Variants in KANK1 observed in about 807,000 individuals in gnomAD.
The protein encoded by KANK1 is KN motif and ankyrin repeat domains 1, also known as KN motif and ankyrin repeat domain-containing protein 1.
A neutral mutation model predicts 106.2 loss-of-function variants in KANK1; 109 were observed. That is an observed-to-expected ratio of 1.03 (90% CI 0.88 to 1.20). KANK1 has a LOEUF of 1.20. Among genes scored for constraint, KANK1 ranks in the 50% most tolerant of loss-of-function variants. The pLI is 0.00. For missense variants in KANK1, 2,399 were observed against 1,710.7 expected (o/e 1.40, Z -7.10); for synonymous variants, 873 against 652.2 (o/e 1.34, Z -5.16).
chr9:548,011 A>C (rs2061038021), intron 1 of KANK1, among the ~76,000 whole-genome samples: 1 of 152,094 alleles, frequency 6.6e-6, no homozygotes, highest in African/African-American at 2.4e-5. Context: ...AGTTGTCTAT[A>C]CCATGAAATC....
In KANK1 at chr9:711,656, A is replaced by G. The variant is rs1164125297; in HGVS notation, c.890A>G (p.Glu297Gly). 1 of 1,614,196 alleles carries G rather than the reference A, an allele frequency of 6.2e-7. No homozygotes were observed. The change falls in exon 3 of 12, where the codon GAG becomes GGG. Residue 297 changes from glutamate to glycine, a missense_variant. Physicochemically the swap from Glu to Gly is moderately conservative, Grantham distance 98. Transcript: ENST00000382297. ...LQVKISVLQE[E>G]KRQLVSQLKN... is the part of the protein sequence containing the mutation. ...GTAAAGATCTCTGTCTTGCAAGAAG[A>G]GAAAAGGCAGTTGGTCTCACAGCTG... is the stretch of plus-strand genomic sequence containing the variant.
intron 2 of KANK1, among the ~76,000 whole-genome samples, chr9:691,408 A>G (rs918775406): frequency 2.3e-4 from 35 of 149,158 alleles, no homozygotes; most frequent in African/African-American, 4.2e-4. Flanking sequence ...GTGTGTGTAT[A>G]TATATATATA....
intron 1 of KANK1, among the ~76,000 whole-genome samples, chr9:667,601 A>G (rs1448437751): frequency 6.6e-6 from 1 of 151,978 alleles, no homozygotes; most frequent in African/African-American, 2.4e-5. Flanking sequence ...ACTGTATCCC[A>G]TAGATTTGGA....
At chr9:555,985 A>G (rs1396401048) in intron 1 of KANK1, among the ~76,000 whole-genome samples, 1 of 152,192 alleles carries the variant, frequency 6.6e-6, no homozygotes, top group African/African-American at 2.4e-5. Context: ...ACATTTTCAG[A>G]GTTATACTTA....
chr9:506,059 A>C (rs1199681172), intron 1 of KANK1, among the ~76,000 whole-genome samples: 1 of 152,184 alleles, frequency 6.6e-6, no homozygotes, highest in African/African-American at 2.4e-5. Context: ...TAAGGTCAAA[A>C]TTCAGTGGTT....
At chr9:600,586 G>A (rs1827490877) in intron 1 of KANK1, among the ~76,000 whole-genome samples, 3 of 151,892 alleles carry the variant, frequency 2.0e-5, no homozygotes, top group African/African-American at 2.4e-5. Context: ...AATGCATTGT[G>A]GATCCAACTT....
chr9:639,121 G>T (rs1330439713), intron 1 of KANK1, among the ~76,000 whole-genome samples: 1 of 152,048 alleles, frequency 6.6e-6, no homozygotes, highest in African/African-American at 2.4e-5. Context: ...TCTGATTGCT[G>T]AACACTTTGT....
At chr9:650,791 G>A (rs918254431) in intron 1 of KANK1, among the ~76,000 whole-genome samples, 6 of 152,170 alleles carry the variant, frequency 3.9e-5, no homozygotes, top group African/African-American at 7.2e-5. Flanking sequence ...CTAATGAAAT[G>A]AATAAAGAAA....
intron 1 of KANK1, among the ~76,000 whole-genome samples, chr9:671,783 A>C (rs1220825221): frequency 6.6e-6 from 1 of 151,792 alleles, no homozygotes; most frequent in African/African-American, 2.4e-5. Context: ...CCCCATCTCT[A>C]CTAAAAATGC....
At chr9:503,348 C>T (rs1011415860), upstream of KANK1, among the ~76,000 whole-genome samples, 9 of 152,110 alleles carry the variant, frequency 5.9e-5, no homozygotes, top group East Asian at 1.7e-3. Flanking sequence ...TGCTTACTGC[C>T]ACCCAGTGAG....
intron 1 of KANK1, among the ~76,000 whole-genome samples, chr9:512,841 CCT>C (rs975382577): frequency 3.3e-5 from 5 of 152,316 alleles, no homozygotes; most frequent in Admixed American, 1.3e-4. Flanking sequence ...TTCCCTCACA[CCT>C]CTCTTTCCTC....
intron 1 of KANK1, among the ~76,000 whole-genome samples, chr9:571,210 TTC>T (rs1477271016): frequency 2.0e-5 from 3 of 152,192 alleles, no homozygotes; most frequent in African/African-American, 7.2e-5. Flanking sequence ...GTCATATGTC[TTC>T]TCTGCAAGAA....
intron 1 of KANK1, among the ~76,000 whole-genome samples, chr9:659,454 T>C (rs9408653): frequency 0.84 from 127,537 of 152,092 alleles, 53,614 homozygotes; most frequent in East Asian, 0.97. Context: ...GGATTTCTAA[T>C]AAGTTCCCAG....
At position 684,159 on chromosome 9, in the gene KANK1, C is replaced by T. The variant is rs766982123; in HGVS notation, c.37+7150C>T. 9.4e-5 allele frequency: 93 copies of T among 985,072 alleles called. 1 individual carries two copies. The highest frequency in any genetic ancestry group is 1.1e-4 in the Non-Finnish European group (89 of 829,806). The allele number at this position is 985,072 out of a possible 1,614,324, so 61.0% of individuals were successfully genotyped here. ...CTTTGTTTTAACCTGTAGCCAGCTTCGCCTTATAAGCTTTCTTGCCCCAAG... is the reference window on the plus strand; with the variant it reads ...CTTTGTTTTAACCTGTAGCCAGCTTTGCCTTATAAGCTTTCTTGCCCCAAG... On this transcript the variant is annotated intron_variant, in intron 2 of 11. Coordinates refer to ENST00000382297, the MANE Select transcript of KANK1 (RefSeq NM_015158.5).
chr9:637,509 C>T (rs115816882), intron 1 of KANK1, among the ~76,000 whole-genome samples: 4 of 152,094 alleles, frequency 2.6e-5, no homozygotes, highest in African/African-American at 2.4e-5. Flanking sequence ...AACTCAAGTA[C>T]GTATTGCTGG....
At position 712,560 on chromosome 9, in the gene KANK1, C is replaced by T. The variant is rs138067222; in HGVS notation, c.1794C>T (p.Ser598=). 11 of 1,614,032 alleles carry T rather than the reference C, an allele frequency of 6.8e-6. No individual in the cohort carries two copies. The highest frequency in any genetic ancestry group is 6.7e-5 in the African/African-American group (5 of 74,920). The change falls in exon 3 of 12, where the codon AGC becomes AGT. Residue 598 remains serine (S), a synonymous_variant. Coordinates refer to ENST00000382297, the MANE Select transcript of KANK1 (RefSeq NM_015158.5). ...MCDKSVSVEV[S]VCETGSNTEE... Reference sequence around the variant, plus strand: ...ACAAGAGTGTGAGTGTGGAAGTCAGCGTCTGCGAAACAGGCAGCAACACAG... The same window carrying T: ...ACAAGAGTGTGAGTGTGGAAGTCAGTGTCTGCGAAACAGGCAGCAACACAG...
Position 712,339 on chromosome 9 carries a change from C to A in KANK1, c.1573C>A (p.Gln525Lys), listed in dbSNP as rs1399409451. ...VVEAVVQTRD[Q>K]MVGSHMDLVD... ...GGAGGCAGTGGTGCAGACCAGAGAC[C>A]AAATGGTCGGCAGTCACATGGACCT... The change falls in exon 3 of 12, where the codon CAA becomes AAA. Residue 525 changes from glutamine (Q) to lysine (K), a missense_variant. Coordinates refer to ENST00000382297, the MANE Select transcript of KANK1 (RefSeq NM_015158.5). 8.7e-6 allele frequency: 14 copies of A among 1,614,054 alleles called. No homozygotes were observed. In the Admixed American group the frequency reaches 1.3e-4, roughly 15 times the overall value.
intron 4 of KANK1, 73 bp downstream of exon 4, chr9:730,321 C>CAA: frequency 7.2e-7 from 1 of 1,385,198 alleles, no homozygotes; most frequent in Non-Finnish European, 1.0e-6. Context: ...AATTTAATGT[C>CAA]AATGTACCTT....
intron 2 of KANK1, chr9:707,274 C>A: frequency 2.1e-6 from 2 of 974,936 alleles, no homozygotes; most frequent in Non-Finnish European, 2.4e-6. Flanking sequence ...CGGCGTGGGG[C>A]GGCCACCGCT....
Sources: gnomAD v4.1 joint callset for allele counts (sites outside exome capture counted in the v4.1 genomes callset) on GRCh38, gnomAD v4.1.1 for gene constraint, MANE v1.5 for transcripts, NCBI Gene and HGNC (gene_info 2026-07-23, HGNC 2026-07-21) for gene names.